The following TMEM33 variants were observed in gnomAD, a reference collection of about 807,000 sequenced individuals.
TMEM33 encodes the protein transmembrane protein 33.
Under a neutral mutation model 29.7 loss-of-function variants are expected in TMEM33, and 16 were observed. The observed-to-expected ratio is 0.54, with a 90% CI of 0.36 to 0.82. TMEM33 has a LOEUF of 0.82. TMEM33 is among the 40% of genes least tolerant of loss of function. The pLI is 0.00. For missense variants in TMEM33, 252 were observed against 295.3 expected (o/e 0.85, Z 1.08); for synonymous variants, 112 against 109.4 (o/e 1.02, Z -0.15).
At position 41,949,305 on chromosome 4, in the gene TMEM33, T is replaced by G; in HGVS notation, c.534T>G (p.Gly178=). 2 of 1,606,534 alleles carry G rather than the reference T, an allele frequency of 1.2e-6. No individual in the cohort carries two copies. The highest frequency in any genetic ancestry group is 1.7e-6 in the Non-Finnish European group (2 of 1,176,034). ...CGCTTGTATTTGTTTATTTCAGTGGTCAAGGAAGTTTGCTCCAACCTTTTA... is the reference window on the plus strand; with the variant it reads ...CGCTTGTATTTGTTTATTTCAGTGGGCAAGGAAGTTTGCTCCAACCTTTTA... ...MPATVFMLFS[G]QGSLLQPFIY... is the part of the protein sequence containing the mutation. The change falls in exon 6 of 7, where the codon GGT becomes GGG. Residue 178 remains glycine, a synonymous_variant. Transcript: ENST00000504986.
intron 1 of TMEM33, among the ~76,000 whole-genome samples, chr4:41,936,413 C>T (rs1393161203): frequency 2.0e-5 from 3 of 152,172 alleles, no homozygotes; most frequent in African/African-American, 7.2e-5. Flanking sequence ...CGTGGTGGCT[C>T]ACGCCTGTAA....
In TMEM33 at chr4:41,939,380, A is replaced by G. The variant is rs747251962; in HGVS notation, c.325A>G (p.Thr109Ala). Residue 109 changes from threonine to alanine, a missense_variant, in exon 3 of 7, where the codon ACA becomes GCA. By Grantham distance (58) the Thr-to-Ala change is moderately conservative. Coordinates refer to ENST00000504986, the MANE Select transcript of TMEM33 (RefSeq NM_018126.3). ...CATCTTTGTAAATTCCTATCCAGTT[A>G]CAAGTATCCTTTTCTACCTTGTTAA... The part of the protein sequence containing the change: ...SLIFVNSYPV[T>A]MSIFPVLLFS... 2 of 1,612,142 alleles carry G rather than the reference A, an allele frequency of 1.2e-6. No homozygotes were observed. Among genetic ancestry groups the G allele is most frequent in the Non-Finnish European group, 1.7e-6 (2 of 1,179,584 alleles).
intron 6 of TMEM33, among the ~76,000 whole-genome samples, chr4:41,950,100 G>A (rs1291503030): frequency 1.3e-5 from 2 of 152,048 alleles, no homozygotes; most frequent in East Asian, 1.9e-4. Flanking sequence ...TTTTGACATC[G>A]TCAGAATATT....
intron 5 of TMEM33, among the ~76,000 whole-genome samples, chr4:41,946,730 A>G (rs949609692): frequency 2.0e-5 from 3 of 152,150 alleles, no homozygotes; most frequent in African/African-American, 4.8e-5. Context: ...CAACATTCTA[A>G]TATTTTTTCC....
chr4:41,935,860 A>G (rs367604195), intron 1 of TMEM33, among the ~76,000 whole-genome samples: 13 of 152,312 alleles, frequency 8.5e-5, no homozygotes, highest in Admixed American at 7.2e-4. Context: ...AGATTGTGCC[A>G]TGACACACAT....
rs1577656790 is a variant in TMEM33, at chr4:41,954,288, T to C, written c.*89T>C. ...GGGTTGTAAATTCCAGGTGTTACACTGACCTCAATCCAATTTACATAATTT... is the reference window on the plus strand; with the variant it reads ...GGGTTGTAAATTCCAGGTGTTACACCGACCTCAATCCAATTTACATAATTT... On this transcript the variant is annotated 3_prime_UTR_variant, in exon 7 of 7. Transcript: ENST00000504986. 7.4e-7 allele frequency: 1 copy of C among 1,349,102 alleles called. No homozygotes were observed. The highest frequency in any genetic ancestry group is 2.4e-5 in the East Asian group (1 of 41,800). The allele number at this position is 1,349,102 out of a possible 1,614,324, so 83.6% of individuals were successfully genotyped here.
chr4:41,951,327 C>T (rs972616514), intron 6 of TMEM33, among the ~76,000 whole-genome samples: 4 of 152,168 alleles, frequency 2.6e-5, no homozygotes, highest in African/African-American at 9.7e-5. Context: ...TGGGTCAGCA[C>T]ACATATGCAA....
intron 5 of TMEM33, among the ~76,000 whole-genome samples, chr4:41,945,988 A>G (rs1476715145): frequency 2.7e-5 from 4 of 150,724 alleles, no homozygotes; most frequent in South Asian, 2.1e-4. Flanking sequence ...AAAAAAAAAA[A>G]AAAGAAAAGG....
At chr4:41,954,021 G>A (rs1560520187) in intron 6 of TMEM33, 49 bp from the exon 7 acceptor site, 1 of 1,604,510 alleles carries the variant, frequency 6.2e-7, no homozygotes. Context: ...GTAAGCCTGT[G>A]TATTGCTTTT....
At position 41,958,628 on chromosome 4, in the gene TMEM33, ATAT is replaced by A. The variant is rs2153128712; in HGVS notation, c.*4433_*4435del. On this transcript the variant is annotated 3_prime_UTR_variant, in exon 7 of 7. Coordinates refer to ENST00000504986, the MANE Select transcript of TMEM33 (RefSeq NM_018126.3). Reference sequence around the variant, plus strand: ...TATAAAAGCATATTGAAATTTGTAGATATTATATGAGGAATGGCACCTAGATTT... The same window carrying A: ...TATAAAAGCATATTGAAATTTGTAGATATATGAGGAATGGCACCTAGATTT... 6.7e-6 allele frequency: 1 copy of A among 149,806 alleles called. No individual in the cohort carries two copies. The highest frequency in any genetic ancestry group is 2.0e-4 in the East Asian group (1 of 4,988). 9.3% of individuals were successfully genotyped at this position (149,806 alleles called of 1,614,324 possible).
chr4:41,954,130 A>G lies in TMEM33; in HGVS notation c.675A>G (p.Pro225=). Residue 225 remains proline, a synonymous_variant, in exon 7 of 7, where the codon CCA becomes CCG. Transcript: ENST00000504986. ...ACATAATAATGAAACCTGCTTGCCCACTGTTTGTGAGAAGACTTTGTCTCC... is the reference window on the plus strand; with the variant it reads ...ACATAATAATGAAACCTGCTTGCCCGCTGTTTGTGAGAAGACTTTGTCTCC... ...VEHIIMKPAC[P]LFVRRLCLQS... 2 of 1,613,944 alleles carry G rather than the reference A, an allele frequency of 1.2e-6. No homozygotes were observed. Among genetic ancestry groups the G allele is most frequent in the East Asian group, 2.2e-5 (1 of 44,858 alleles).
At chr4:41,937,714 A>G (rs1712310552) in intron 1 of TMEM33, among the ~76,000 whole-genome samples, 1 of 152,218 alleles carries the variant, frequency 6.6e-6, no homozygotes, top group Non-Finnish European at 1.5e-5. Flanking sequence ...TAAAATTACG[A>G]AGATCCTAGA....
At chr4:41,947,347 T>C (rs983261490) in intron 5 of TMEM33, among the ~76,000 whole-genome samples, 32 of 152,226 alleles carry the variant, frequency 2.1e-4, no homozygotes, top group Non-Finnish European at 1.9e-4. Context: ...TTTCTTATGC[T>C]CCTCTTAAAT....
intron 6 of TMEM33, among the ~76,000 whole-genome samples, chr4:41,950,287 A>G (rs1409276339): frequency 6.6e-6 from 1 of 152,196 alleles, no homozygotes; most frequent in African/African-American, 2.4e-5. Context: ...TAATATTAAG[A>G]TAATCTATTT....
At chr4:41,939,749 A>G in intron 3 of TMEM33, 1 of 457,926 alleles carries the variant, frequency 2.2e-6, no homozygotes, top group Non-Finnish European at 4.4e-6. Context: ...TAAAAAAGAG[A>G]GGTCCTCAGC....
chr4:41,942,890 CTG>C (rs1385991010), intron 3 of TMEM33, among the ~76,000 whole-genome samples: 2 of 152,136 alleles, frequency 1.3e-5, no homozygotes, highest in African/African-American at 4.8e-5. Flanking sequence ...GAGAGCATAA[CTG>C]TGACAACTTG....
chr4:41,948,676 T>C (rs1712901777), intron 5 of TMEM33, among the ~76,000 whole-genome samples: 1 of 152,148 alleles, frequency 6.6e-6, no homozygotes, highest in African/African-American at 2.4e-5. Flanking sequence ...AACCATAATA[T>C]AAGTTGTTCA....
Position 41,954,089 on chromosome 4 carries a change from A to C in TMEM33, c.634A>C (p.Arg212=), listed in dbSNP as rs750180053. ...TTGCAGGACCTTATTTAATGAACTG[A>C]GGATTGTTGTTGAACACATAATAAT... ...PYCRTLFNEL[R]IVVEHIIMKP... Residue 212 remains arginine (R), a synonymous_variant, in exon 7 of 7, where the codon AGG becomes CGG. Transcript: ENST00000504986. 1.9e-5 allele frequency: 31 copies of C among 1,613,740 alleles called. No individual in the cohort carries two copies. The South Asian group carries it at 3.4e-4, about 18-fold the overall frequency.
intron 3 of TMEM33, among the ~76,000 whole-genome samples, chr4:41,943,418 G>A (rs541881551): frequency 6.6e-6 from 1 of 151,940 alleles, no homozygotes; most frequent in African/African-American, 2.4e-5. Flanking sequence ...CCAGCTACTC[G>A]GGAGGCTGAG....
Sources: allele counts gnomAD v4.1 joint callset (sites outside exome capture counted in the v4.1 genomes callset), GRCh38; gene constraint gnomAD v4.1.1; transcripts MANE v1.5; gene names NCBI Gene and HGNC (gene_info 2026-07-23, HGNC 2026-07-21).